The following MEGF6 variants were observed in gnomAD, a reference collection of about 807,000 sequenced individuals.
MEGF6 encodes the protein multiple EGF like domains 6.
In MEGF6, 184 loss-of-function variants were observed where a neutral mutation model predicts 207.1. The observed-to-expected ratio is 0.89, with a 90% CI of 0.79 to 1.00. The LOEUF is 1.00. Among genes scored for constraint, MEGF6 ranks in the 50% least tolerant of loss-of-function variants. The pLI is 0.00. For synonymous variants in MEGF6, 1,038 were observed against 910.0 expected, an observed-to-expected ratio of 1.14 and a Z score of -2.53; for missense variants, 2,282 against 2,202.9, an observed-to-expected ratio of 1.04 and a Z score of -0.72.
chr1:3,602,055 G>A (rs563487272), intron 2 of MEGF6, among the ~76,000 whole-genome samples: 2 of 152,336 alleles, frequency 1.3e-5, no homozygotes, highest in East Asian at 1.9e-4. Context: ...ACTCAAGTTC[G>A]GTGTTGAAAT....
At chr1:3,515,295 G>T in intron 6 of MEGF6, 107 bp downstream of exon 6, 1 of 1,360,294 alleles carries the variant, frequency 7.4e-7, no homozygotes, top group Non-Finnish European at 1.0e-6. Context: ...AGGCCTCTCA[G>T]CAGCCTTGGG....
In MEGF6 at chr1:3,507,823, C is replaced by CG. The variant is rs760635494; in HGVS notation, c.1760dup (p.Val589CysfsTer5). The CG allele has an allele frequency of 5.0e-6, 8 of 1,612,736 alleles. No homozygotes were observed. Among genetic ancestry groups the CG allele is most frequent in the South Asian group, 2.2e-5 (2 of 91,068 alleles). ...CCTCACAGTTAGTTCCACTGACACCCGGGGGGCAGCGGCAGGCCCCCGTGA... is the reference window on the plus strand; with the variant it reads ...CCTCACAGTTAGTTCCACTGACACCCGGGGGGGCAGCGGCAGGCCCCCGTGA... On this transcript the variant is annotated frameshift_variant, in exon 14 of 37. Coordinates refer to ENST00000356575, the MANE Select transcript of MEGF6 (RefSeq NM_001409.4). LOFTEE classifies it high-confidence loss of function.
chr1:3,525,463 G>T (rs1313513713), intron 4 of MEGF6, among the ~76,000 whole-genome samples: 1 of 152,250 alleles, frequency 6.6e-6, no homozygotes, highest in Non-Finnish European at 1.5e-5. Context: ...CAAGGCCACA[G>T]ACACCTCGCA....
Position 3,611,310 on chromosome 1 carries a change from G to GC in MEGF6, c.-43dup. 7.1e-7 allele frequency: 1 copy of GC among 1,408,100 alleles called. No homozygotes were observed. The highest frequency in any genetic ancestry group is 1.5e-5 in the African/African-American group (1 of 66,808). 87.2% of individuals were successfully genotyped at this position (1,408,100 alleles called of 1,614,324 possible). On this transcript the variant is annotated 5_prime_UTR_variant, in exon 1 of 37. An upstream open reading frame in the 5' UTR loses its in-frame stop. Transcript: ENST00000356575. ...TCCTCCGCTCTCCGGCTCACAGGCG[G>GC]CCCCGGCGGCTCCCCGGAGCCTCCG...
Position 3,594,760 on chromosome 1 carries a change from T to C in MEGF6, c.376+578A>G, listed in dbSNP as rs1446566042. On this transcript the variant is annotated intron_variant, in intron 3 of 36. Coordinates refer to ENST00000356575, the MANE Select transcript of MEGF6 (RefSeq NM_001409.4). The surrounding 1 kb of genome is among the most constrained non-coding windows in gnomAD (Gnocchi z 4.2). Reference sequence around the variant, plus strand: ...AGCTCAGACCACCCAATTCCAGTCCTGGGCCCCCATCTCTGAGCCCCAGCA... The same window carrying C: ...AGCTCAGACCACCCAATTCCAGTCCCGGGCCCCCATCTCTGAGCCCCAGCA... Among the ~76,000 whole-genome samples, 1 of 152,178 alleles carries C rather than the reference T, an allele frequency of 6.6e-6. No individual in the cohort carries two copies. The highest frequency in any genetic ancestry group is 1.5e-5 in the Non-Finnish European group (1 of 68,018).
At chr1:3,504,307 G>A (rs1641023617) in intron 17 of MEGF6, among the ~76,000 whole-genome samples, 6 of 152,264 alleles carry the variant, frequency 3.9e-5, no homozygotes, top group Middle Eastern at 6.8e-3. Context: ...CCCTGTTGGC[G>A]GCCGCTGCGG....
chr1:3,536,581 G>A (rs1028743070), intron 4 of MEGF6, among the ~76,000 whole-genome samples: 2 of 152,186 alleles, frequency 1.3e-5, no homozygotes, highest in Admixed American at 6.5e-5. Context: ...TGCCGCCACC[G>A]AGCACGTCCC....
rs114257627 is a variant in MEGF6 at position 3,547,824 on chromosome 1, T to A, written c.482-23578A>T. Among the ~76,000 whole-genome samples, 420 of 152,274 alleles carry A rather than the reference T, an allele frequency of 2.8e-3. 2 individuals are homozygous for A. The highest frequency in any genetic ancestry group is 9.7e-3 in the African/African-American group (402 of 41,576). ...CTCTGCCTGGTTCAGGCAGCAGGAC[T>A]TCCCCCGGGACTTGGTCCTGGGCAG... On this transcript the variant is annotated intron_variant, in intron 4 of 36. Coordinates refer to ENST00000356575, the MANE Select transcript of MEGF6 (RefSeq NM_001409.4).
intron 35 of MEGF6, among the ~76,000 whole-genome samples, chr1:3,491,628 G>C (rs1482991780): frequency 6.6e-6 from 1 of 152,128 alleles, no homozygotes; most frequent in African/African-American, 2.4e-5. Flanking sequence ...GAAATCCCCA[G>C]TTAGCCAAAA....
At chr1:3,497,694 G>A (rs1640670799) in intron 26 of MEGF6, 20 of 486,660 alleles carry the variant, frequency 4.1e-5, no homozygotes, top group South Asian at 1.6e-4. Context: ...CGAAGGAGCC[G>A]GGAGACAGCA....
chr1:3,503,502 C>G (rs998020314), intron 17 of MEGF6, among the ~76,000 whole-genome samples: 1 of 151,828 alleles, frequency 6.6e-6, no homozygotes, highest in Non-Finnish European at 1.5e-5. Context: ...AGGGGAGGAG[C>G]CTTCCTCCTC....
intron 26 of MEGF6, chr1:3,497,641 A>G: frequency 1.6e-6 from 1 of 616,112 alleles, no homozygotes. Flanking sequence ...CGAGACAGAT[A>G]GGGCTGAGAG....
chr1:3,575,283 T>C (rs932083468), intron 4 of MEGF6, among the ~76,000 whole-genome samples: 3 of 152,178 alleles, frequency 2.0e-5, no homozygotes, highest in African/African-American at 7.2e-5. Flanking sequence ...CTGTGAAAAC[T>C]GTTCCTGGTT....
intron 3 of MEGF6, among the ~76,000 whole-genome samples, chr1:3,589,709 G>A (rs879400172): frequency 5.9e-5 from 9 of 152,220 alleles, no homozygotes; most frequent in Admixed American, 4.6e-4. Context: ...CCTGAGCACC[G>A]TGGCTGGGCC....
intron 2 of MEGF6, 89 bp from the exon 3 acceptor site, chr1:3,595,536 G>A (rs532770486): frequency 1.8e-4 from 212 of 1,154,378 alleles, no homozygotes; most frequent in Middle Eastern, 1.4e-3. Flanking sequence ...CTGACTCTGC[G>A]TCAGCCGGGT....
chr1:3,498,252 G>A lies in MEGF6; in HGVS notation c.3352+119C>T, dbSNP rs1004003467. On this transcript the variant is annotated intron_variant, in intron 26 of 36. Coordinates refer to ENST00000356575, the MANE Select transcript of MEGF6 (RefSeq NM_001409.4). ...TCCGACGGCAGCTCTTGCATTCACA[G>A]GACAACAGGTCCCCTGGTGAGGCCC... 7.7e-6 allele frequency: 10 copies of A among 1,297,834 alleles called. No homozygotes were observed. In the African/African-American group the frequency reaches 1.3e-4, roughly 17 times the overall value. The allele number at this position is 1,297,834 out of a possible 1,614,324, so 80.4% of individuals were successfully genotyped here.
At chr1:3,612,082 G>A (rs895307643), upstream of MEGF6, among the ~76,000 whole-genome samples, 2 of 152,228 alleles carry the variant, frequency 1.3e-5, no homozygotes, top group Non-Finnish European at 2.9e-5. Flanking sequence ...GGTCGGGGAA[G>A]GGCTTGAGGA....
At chr1:3,580,037 C>T (rs1570182091) in intron 3 of MEGF6, 108 bp from the exon 4 acceptor site, 2 of 730,714 alleles carry the variant, frequency 2.7e-6, no homozygotes, top group South Asian at 2.0e-5. Flanking sequence ...CTGCCAGGTC[C>T]CCAGCCCCGT....
intron 2 of MEGF6, among the ~76,000 whole-genome samples, chr1:3,599,123 G>A (rs969792897): frequency 5.3e-5 from 8 of 152,284 alleles, no homozygotes; most frequent in Non-Finnish European, 1.0e-4. Context: ...CCTTCTGACC[G>A]CAGCCACCAC....
Sources: gnomAD v4.1 joint callset for allele counts (sites outside exome capture counted in the v4.1 genomes callset) on GRCh38, gnomAD v4.1.1 for gene constraint, Gnocchi (gnomAD v3.1) non-coding constraint, MANE v1.5 for transcripts, NCBI Gene and HGNC (gene_info 2026-07-23, HGNC 2026-07-21) for gene names.